The following RBFOX2 variants were observed in gnomAD, a reference collection of about 807,000 sequenced individuals.
The protein encoded by RBFOX2 is RNA binding protein fox-1 homolog 2.
Under a neutral mutation model 49.1 loss-of-function variants are expected in RBFOX2, and 10 were observed. That is an observed-to-expected ratio of 0.20 (90% CI 0.13 to 0.35). The LOEUF (loss-of-function observed/expected upper bound fraction) is 0.35. RBFOX2 is among the 10% of genes least tolerant of loss of function. RBFOX2 has a pLI of 1.00. For synonymous variants in RBFOX2, 183 were observed against 187.4 expected (o/e 0.98, Z 0.19); for missense variants, 323 against 486.9 (o/e 0.66, Z 3.17).
upstream of RBFOX2, among the ~76,000 whole-genome samples, chr22:35,842,556 TAATG>T (rs1474678577): frequency 1.3e-5 from 2 of 152,194 alleles, no homozygotes; most frequent in Admixed American, 1.3e-4. Context: ...TGAATCATAC[TAATG>T]GGATAACTGT....
At chr22:35,876,361 G>T (rs531749681) in intron 1 of RBFOX2, among the ~76,000 whole-genome samples, 2 of 152,198 alleles carry the variant, frequency 1.3e-5, no homozygotes, top group Middle Eastern at 3.4e-3. Context: ...AAGTAACTGA[G>T]ATTACATTAA....
chr22:35,924,526 C>T lies in RBFOX2; in HGVS notation c.-34+14321G>A, dbSNP rs1435461682. 2.0e-5 allele frequency among the ~76,000 whole-genome samples: 3 copies of T among 152,328 alleles called. No homozygotes were observed. The South Asian group carries it at 6.2e-4, about 32-fold the overall frequency. ...ACCCATTAAACTTGTAAGAGGCACT[C>T]TCTTGCTGAACATCAGATATCTAGC... On this transcript the variant is annotated intron_variant, in intron 1 of 13. Coordinates refer to the RBFOX2 transcript ENST00000359369.
chr22:36,024,428 C>T (rs1171048693), intron 1 of RBFOX2, among the ~76,000 whole-genome samples: 1 of 152,058 alleles, frequency 6.6e-6, no homozygotes, highest in Non-Finnish European at 1.5e-5. Context: ...GAAGGCTTCA[C>T]AAAAGGAGTT....
At chr22:35,885,500 C>T (rs1227629939) in intron 1 of RBFOX2, among the ~76,000 whole-genome samples, 1 of 152,178 alleles carries the variant, frequency 6.6e-6, no homozygotes, top group Non-Finnish European at 1.5e-5. Flanking sequence ...ATATGGCAGG[C>T]TAATGACTAG....
exon 1 of RBFOX2, chr22:36,028,486 G>C: frequency 6.3e-6 from 7 of 1,115,160 alleles, no homozygotes; most frequent in Non-Finnish European, 6.6e-6. Context: ...CCTCCCCCTG[G>C]GCCTCGGCCC....
chr22:35,850,769 T>G (rs375715429), intron 1 of RBFOX2, among the ~76,000 whole-genome samples: 1 of 152,168 alleles, frequency 6.6e-6, no homozygotes, highest in Non-Finnish European at 1.5e-5. Context: ...AGAGCCTAAA[T>G]GGCCCATCAA....
At chr22:35,804,277 CG>C (rs1234430585) in intron 2 of RBFOX2, among the ~76,000 whole-genome samples, 1 of 150,642 alleles carries the variant, frequency 6.6e-6, no homozygotes. Context: ...GACTTCATCT[CG>C]GGGGAAAAGA....
At chr22:35,996,554 G>A (rs951923795) in intron 1 of RBFOX2, 1 of 150,232 alleles carries the variant, frequency 6.7e-6, no homozygotes, top group Non-Finnish European at 1.5e-5. Flanking sequence ...GCAGTGAGCT[G>A]AGATTGTGCC....
At chr22:35,940,614 G>T (rs968431518), upstream of RBFOX2, among the ~76,000 whole-genome samples, 1 of 151,934 alleles carries the variant, frequency 6.6e-6, no homozygotes, top group Admixed American at 6.6e-5. Context: ...GAAAACATAT[G>T]TCCACACAAA....
At chr22:35,763,913 C>T (rs946676485) in intron 6 of RBFOX2, among the ~76,000 whole-genome samples, 2 of 152,184 alleles carry the variant, frequency 1.3e-5, no homozygotes, top group Non-Finnish European at 2.9e-5. Context: ...AGAAGGAGAA[C>T]GTCTGTTTTC....
chr22:35,891,779 C>G (rs2047270704), intron 1 of RBFOX2, among the ~76,000 whole-genome samples: 1 of 151,960 alleles, frequency 6.6e-6, no homozygotes, highest in African/African-American at 2.4e-5. Context: ...CTGTCTCTTT[C>G]CCTGTTTTTG....
chr22:35,799,521 C>G (rs1274007802), intron 2 of RBFOX2, among the ~76,000 whole-genome samples: 1 of 152,146 alleles, frequency 6.6e-6, no homozygotes, highest in Non-Finnish European at 1.5e-5. Flanking sequence ...TGTACAAGTT[C>G]TTTTCTTTTT....
chr22:35,932,511 T>C (rs1028121606), intron 1 of RBFOX2, among the ~76,000 whole-genome samples: 2 of 152,252 alleles, frequency 1.3e-5, no homozygotes, highest in African/African-American at 2.4e-5. Flanking sequence ...CAATGGGACA[T>C]TGTGTCTTTC....
intron 1 of RBFOX2, among the ~76,000 whole-genome samples, chr22:35,860,622 T>C (rs933875259): frequency 4.6e-5 from 7 of 152,218 alleles, no homozygotes; most frequent in African/African-American, 7.2e-5. Flanking sequence ...GCTGTGTTAG[T>C]CCTGCAACTT....
chr22:35,826,414 A>C (rs554058470), intron 1 of RBFOX2, among the ~76,000 whole-genome samples: 1 of 152,206 alleles, frequency 6.6e-6, no homozygotes, highest in Non-Finnish European at 1.5e-5. Context: ...AAAAATAGAA[A>C]GCATACATAG....
chr22:35,984,498 G>C (rs529122436), intron 1 of RBFOX2, among the ~76,000 whole-genome samples: 1 of 152,244 alleles, frequency 6.6e-6, no homozygotes, highest in East Asian at 1.9e-4. Context: ...TTTCACATCT[G>C]TTATATAATA....
intron 1 of RBFOX2, among the ~76,000 whole-genome samples, chr22:35,893,667 G>A (rs80307645): frequency 0.027 from 4,073 of 152,230 alleles, 63 homozygotes; most frequent in Middle Eastern, 0.095. Flanking sequence ...AATATTTCAA[G>A]GTCATATTTA....
intron 1 of RBFOX2, among the ~76,000 whole-genome samples, chr22:35,955,920 A>C (rs1048295574): frequency 2.6e-5 from 4 of 152,236 alleles, no homozygotes; most frequent in African/African-American, 9.6e-5. Flanking sequence ...TGGAAGAGGC[A>C]AGGTATTTTA....
intron 1 of RBFOX2, among the ~76,000 whole-genome samples, chr22:36,019,791 G>C (rs1334452769): frequency 6.6e-6 from 1 of 152,144 alleles, no homozygotes. Context: ...TGGATAGGAA[G>C]AATCAATATC....
Sources: allele counts gnomAD v4.1 joint callset (sites outside exome capture counted in the v4.1 genomes callset), GRCh38; gene constraint gnomAD v4.1.1; transcripts MANE v1.5; gene names NCBI Gene and HGNC (gene_info 2026-07-23, HGNC 2026-07-21).